KANSL1: variants seen among roughly 807,000 people sequenced by gnomAD.
The protein encoded by KANSL1 is MLL1/MLL complex subunit KANSL1.
In KANSL1, 22 loss-of-function variants were observed where a neutral mutation model predicts 103.6. The ratio of observed to expected loss-of-function variants is 0.21; its 90% confidence interval spans 0.15 to 0.30. The LOEUF (loss-of-function observed/expected upper bound fraction) is 0.30, where lower values mean the gene tolerates loss of function less well. Among genes scored for constraint, KANSL1 ranks in the 10% least tolerant of loss-of-function variants. The probability of loss-of-function intolerance (pLI) is 1.00; values close to 1 mark genes in which losing one functional copy is unlikely to be tolerated. For synonymous variants in KANSL1, 600 were observed against 527.6 expected (o/e 1.14, Z -1.88); for missense variants, 1,337 against 1,399.8 (o/e 0.96, Z 0.72).
intron 4 of KANSL1, among the ~76,000 whole-genome samples, chr17:46,079,223 T>C (rs2078897713): frequency 2.0e-5 from 3 of 152,082 alleles, no homozygotes; most frequent in Admixed American, 2.0e-4. Flanking sequence ...TGGGTCCTTT[T>C]AGAACAACTT....
chr17:46,036,211 T>C (rs1268541668), intron 10 of KANSL1, among the ~76,000 whole-genome samples: 1 of 152,166 alleles, frequency 6.6e-6, no homozygotes, highest in East Asian at 1.9e-4. Flanking sequence ...CAGCAACAAA[T>C]CAGATCTTTA....
intron 1 of KANSL1, among the ~76,000 whole-genome samples, chr17:46,200,759 A>G (rs778937425): frequency 6.6e-6 from 1 of 151,938 alleles, no homozygotes; most frequent in Non-Finnish European, 1.5e-5. Flanking sequence ...ATATATATAT[A>G]TATTTTTCTT....
intron 6 of KANSL1, 38 bp from the exon 7 acceptor site, chr17:46,050,742 C>G (rs1276037162): frequency 6.3e-7 from 1 of 1,584,336 alleles, no homozygotes. Flanking sequence ...AATTCAGCAT[C>G]TGATAAAAAG....
intron 2 of KANSL1, among the ~76,000 whole-genome samples, chr17:46,113,764 G>A (rs150719900): frequency 1.3e-5 from 2 of 152,260 alleles, no homozygotes; most frequent in African/African-American, 4.8e-5. Context: ...AGTCCTTATA[G>A]GTAGACACCT....
intron 2 of KANSL1, among the ~76,000 whole-genome samples, chr17:46,161,193 T>A (rs187228148): frequency 0.011 from 1,535 of 138,482 alleles, no homozygotes; most frequent in Non-Finnish European, 0.016. Context: ...GGTGGGCTGA[T>A]CACGAGGTCA....
chr17:46,223,136 GGACTGGGGTGCA>G (rs1172050207), intron 1 of KANSL1: 36 of 150,162 alleles, frequency 2.4e-4, no homozygotes, highest in African/African-American at 8.4e-4. Flanking sequence ...GTCACACAAA[GGACTGGGGTGCA>G]GCAGGAGGAC....
chr17:46,220,583 A>C (rs2048500227), intron 1 of KANSL1, among the ~76,000 whole-genome samples: 1 of 152,278 alleles, frequency 6.6e-6, no homozygotes, highest in East Asian at 1.9e-4. Flanking sequence ...AAAAGATATA[A>C]TGCAATGAGA....
chr17:46,111,185 G>A (rs900154156), intron 2 of KANSL1, among the ~76,000 whole-genome samples: 1 of 152,216 alleles, frequency 6.6e-6, no homozygotes, highest in Non-Finnish European at 1.5e-5. Context: ...TCATGTGAAT[G>A]AGTGTTCAAA....
At chr17:46,189,348 C>T (rs2035879763) in intron 1 of KANSL1, among the ~76,000 whole-genome samples, 1 of 152,126 alleles carries the variant, frequency 6.6e-6, no homozygotes, top group African/African-American at 2.4e-5. Context: ...AGGAATGGAA[C>T]GGAGAGGTCC....
At chr17:46,164,495 A>G (rs2147657129) in intron 2 of KANSL1, among the ~76,000 whole-genome samples, 1 of 152,298 alleles carries the variant, frequency 6.6e-6, no homozygotes, top group East Asian at 1.9e-4. Context: ...CTCAGCTCTG[A>G]AGTAAATTCT....
chr17:46,083,386 G>A (rs1050978626), intron 3 of KANSL1, among the ~76,000 whole-genome samples: 3 of 152,124 alleles, frequency 2.0e-5, no homozygotes, highest in Non-Finnish European at 4.4e-5. Context: ...CTAAAAAATA[G>A]AGATCTAACT....
At chr17:46,094,924 A>AT (rs2041998055) in intron 2 of KANSL1, among the ~76,000 whole-genome samples, 1 of 152,238 alleles carries the variant, frequency 6.6e-6, no homozygotes, top group South Asian at 2.1e-4. Flanking sequence ...GCGTTCTAGC[A>AT]TCCTGATCCT....
intron 6 of KANSL1, among the ~76,000 whole-genome samples, chr17:46,056,290 T>A (rs939853670): frequency 7.2e-5 from 11 of 152,102 alleles, no homozygotes; most frequent in Admixed American, 2.6e-4. Flanking sequence ...TGAGCCACCG[T>A]GCCTGGCCCC....
At chr17:46,216,661 G>A (rs1444331632) in intron 1 of KANSL1, among the ~76,000 whole-genome samples, 1 of 151,564 alleles carries the variant, frequency 6.6e-6, no homozygotes, top group East Asian at 1.9e-4. Context: ...AAATACATGA[G>A]AAGCTAAATA....
chr17:46,220,988 C>G (rs1189847758), intron 1 of KANSL1, among the ~76,000 whole-genome samples: 1 of 144,176 alleles, frequency 6.9e-6, no homozygotes, highest in African/African-American at 2.6e-5. Context: ...ATGCCCAGCC[C>G]TAAAGATCTT....
chr17:46,135,527 T>TC (rs1455615475), intron 2 of KANSL1, among the ~76,000 whole-genome samples: 2 of 148,456 alleles, frequency 1.3e-5, no homozygotes, highest in Non-Finnish European at 3.0e-5. Context: ...CAGATTTTTT[T>TC]CCCCTCAACT....
At chr17:46,205,971 G>A (rs1216957116) in intron 1 of KANSL1, among the ~76,000 whole-genome samples, 1 of 151,880 alleles carries the variant, frequency 6.6e-6, no homozygotes, top group Non-Finnish European at 1.5e-5. Flanking sequence ...TAGCTGCTTG[G>A]GGGGCTGAGG....
At chr17:46,212,134 C>T (rs1003344706) in intron 1 of KANSL1, among the ~76,000 whole-genome samples, 1 of 152,152 alleles carries the variant, frequency 6.6e-6, no homozygotes, top group Non-Finnish European at 1.5e-5. Flanking sequence ...ATATACATTC[C>T]TTATCTTTAT....
chr17:46,045,723 TCCTGCAGTCAGCAGGA>T (rs989103608), intron 7 of KANSL1: 6 of 152,182 alleles, frequency 3.9e-5, no homozygotes, highest in African/African-American at 1.4e-4. Flanking sequence ...ATCTATAGTG[TCCTGCAGTCAGCAGGA>T]CAGAAAATGT....
Sources: gnomAD v4.1 joint callset for allele counts (sites outside exome capture counted in the v4.1 genomes callset) on GRCh38, gnomAD v4.1.1 for gene constraint, MANE v1.5 for transcripts, NCBI Gene and HGNC (gene_info 2026-07-23, HGNC 2026-07-21) for gene names.